NDST3: variants seen among roughly 807,000 people sequenced by gnomAD.
NDST3 encodes bifunctional heparan sulfate N-deacetylase/N-sulfotransferase 3.
A neutral mutation model predicts 96.1 loss-of-function variants in NDST3; 58 were observed. That is an observed-to-expected ratio of 0.60 (90% CI 0.49 to 0.75). The LOEUF is 0.75. Among genes scored for constraint, NDST3 ranks in the 30% least tolerant of loss-of-function variants. NDST3 has a pLI of 0.00. For synonymous variants in NDST3, 333 were observed against 359.7 expected (o/e 0.93, Z 0.84); for missense variants, 788 against 1,034.2 (o/e 0.76, Z 3.27).
rs188784569 is a variant in NDST3 at position 118,144,221 on chromosome 4, C to A, written c.1539+537C>A. Among the ~76,000 whole-genome samples, 551 of 151,874 alleles carry A rather than the reference C, an allele frequency of 3.6e-3. 7 individuals are homozygous for A. Among genetic ancestry groups the A allele is most frequent in the African/African-American group, 0.013 (532 of 41,390 alleles). On this transcript the variant is annotated intron_variant, in intron 6 of 13. Coordinates refer to ENST00000296499, the MANE Select transcript of NDST3 (RefSeq NM_004784.3). ...TTTGAGATGGAGTCTCACTCTGTCA[C>A]CCAGGCTCGAGTGCAGTGGCGCCAT...
At chr4:118,245,799 T>C (rs1741278123) in intron 12 of NDST3, among the ~76,000 whole-genome samples, 2 of 152,052 alleles carry the variant, frequency 1.3e-5, no homozygotes, top group African/African-American at 4.8e-5. Context: ...CTCTCTCTCT[T>C]CATAAAAACA....
At chr4:118,195,039 G>A (rs1044366754) in intron 6 of NDST3, among the ~76,000 whole-genome samples, 37 of 152,176 alleles carry the variant, frequency 2.4e-4, no homozygotes, top group Admixed American at 2.0e-3. Context: ...TTTCTGTGAA[G>A]AATGTCATTG....
chr4:118,251,811 C>A (rs1389109080), intron 12 of NDST3, among the ~76,000 whole-genome samples: 1 of 152,234 alleles, frequency 6.6e-6, no homozygotes, highest in Admixed American at 6.5e-5. Context: ...GAATAATTTT[C>A]TGTTTCTACT....
chr4:118,162,076 A>C (rs1023594932), intron 6 of NDST3, among the ~76,000 whole-genome samples: 1 of 152,194 alleles, frequency 6.6e-6, no homozygotes, highest in African/African-American at 2.4e-5. Flanking sequence ...GAGAACTACA[A>C]ACCACTGCTC....
At chr4:118,240,375 C>T (rs1303055980) in intron 10 of NDST3, 149 bp from the exon 11 acceptor site, 1 of 591,414 alleles carries the variant, frequency 1.7e-6, no homozygotes, top group Non-Finnish European at 2.6e-6. Flanking sequence ...TCCAAGCAAA[C>T]ATTTTCTTCC....
At chr4:118,225,969 G>T (rs1168592087) in intron 7 of NDST3, among the ~76,000 whole-genome samples, 1 of 151,434 alleles carries the variant, frequency 6.6e-6, no homozygotes, top group Non-Finnish European at 1.5e-5. Context: ...ATTATTTCAG[G>T]TGACAAGTTT....
intron 6 of NDST3, among the ~76,000 whole-genome samples, chr4:118,148,065 A>G (rs572793725): frequency 7.2e-5 from 11 of 152,310 alleles, no homozygotes; most frequent in Admixed American, 2.0e-4. Context: ...TTGGGAGGCC[A>G]AGGTGGGCAG....
chr4:118,252,471 T>A (rs1378131110), intron 12 of NDST3, among the ~76,000 whole-genome samples: 1 of 152,222 alleles, frequency 6.6e-6, no homozygotes, highest in African/African-American at 2.4e-5. Context: ...ATGGGAAGAA[T>A]CCTTCACAGC....
At position 118,054,292 on chromosome 4, in the gene NDST3, T is replaced by C. The variant is rs373902559; in HGVS notation, c.382T>C (p.Tyr128His). The change falls in exon 2 of 14, where the codon TAC becomes CAC. Residue 128 changes from tyrosine to histidine, a missense_variant. Around this residue, in one of 3 missense-constraint regions of NDST3, gnomAD observed 234 missense variants for 256.9 expected, o/e 0.91. Transcript: ENST00000296499. ...GCTTATAGACAAAATGAAAGGCAAA[T>C]ACATTCTCATTATTTATGAGAATAT... ...PVLIDKMKGK[Y>H]ILIIYENILK... is the part of the protein sequence containing the mutation. 2 of 1,611,654 alleles carry C rather than the reference T, an allele frequency of 1.2e-6. No individual in the cohort carries two copies. The highest frequency in any genetic ancestry group is 1.7e-6 in the Non-Finnish European group (2 of 1,178,858).
rs1730409714 is a variant in NDST3 at position 118,108,780 on chromosome 4, G to T, written c.1069+3675G>T. Among the ~76,000 whole-genome samples, 3 of 152,050 alleles carry T rather than the reference G, an allele frequency of 2.0e-5. No homozygotes were observed. The South Asian group carries it at 6.2e-4, about 31-fold the overall frequency. On this transcript the variant is annotated intron_variant, in intron 3 of 13. Coordinates refer to ENST00000296499, the MANE Select transcript of NDST3 (RefSeq NM_004784.3). ...TTTCACCTACCAATTTGAAAATTGTGTAGGATTTAAGAATAACTTTAACAT... is the reference window on the plus strand; with the variant it reads ...TTTCACCTACCAATTTGAAAATTGTTTAGGATTTAAGAATAACTTTAACAT...
At chr4:118,085,906 A>G (rs1230643866) in intron 2 of NDST3, among the ~76,000 whole-genome samples, 4 of 152,150 alleles carry the variant, frequency 2.6e-5, no homozygotes, top group Non-Finnish European at 5.9e-5. Flanking sequence ...ATTTACTGAG[A>G]ACATCAGCCA....
In NDST3 at chr4:118,207,146, TACACACACACACACACACACACACAC is replaced by T. The variant is rs67300451; in HGVS notation, c.1540-17325_1540-17300del. The stretch of plus-strand genomic sequence containing the variant: ...AAAATAAAAGAAAATTCTGGAAGAA[TACACACACACACACACACACACACAC>T]ACACACACACACACACACAAATTAT... On this transcript the variant is annotated intron_variant, in intron 6 of 13. Coordinates refer to ENST00000296499, the MANE Select transcript of NDST3 (RefSeq NM_004784.3). 4.7e-5 allele frequency among the ~76,000 whole-genome samples: 6 copies of T among 128,784 alleles called. 1 individual carries two copies. Among genetic ancestry groups the T allele is most frequent in the Non-Finnish European group, 9.9e-5 (6 of 60,482 alleles). 84.5% of individuals were successfully genotyped at this position (128,784 alleles called of 152,430 possible). A position where few individuals can be genotyped will look rare whatever the true frequency, so the allele number is the denominator to read the frequency against.
chr4:118,209,784 A>G (rs867313741), intron 6 of NDST3, among the ~76,000 whole-genome samples: 18 of 152,312 alleles, frequency 1.2e-4, no homozygotes, highest in African/African-American at 3.6e-4. Context: ...ATCAGATCCC[A>G]AATTCTAAAT....
chr4:118,242,445 C>T lies in NDST3; in HGVS notation c.2399+296C>T, dbSNP rs751269412. Among the ~76,000 whole-genome samples the T allele has an allele frequency of 8.5e-5, 13 of 152,240 alleles. 1 individual carries two copies. The Middle Eastern group carries it at 0.017, about 199-fold the overall frequency. On this transcript the variant is annotated intron_variant, in intron 12 of 13. Transcript: ENST00000296499. ...TAAAAGAAGTTATCTGAAATAAATT[C>T]GTAAAGCCTGAGCCTATTTAACAGG...
intron 6 of NDST3, among the ~76,000 whole-genome samples, chr4:118,155,110 A>G (rs560832435): frequency 1.4e-4 from 21 of 152,332 alleles, no homozygotes; most frequent in Admixed American, 3.3e-4. Context: ...AGACTTTTAA[A>G]TTTATAAAGC....
intron 2 of NDST3, among the ~76,000 whole-genome samples, chr4:118,085,119 T>TAAA (rs1488972053): frequency 1.4e-5 from 1 of 73,640 alleles, no homozygotes; most frequent in African/African-American, 3.1e-5. Flanking sequence ...CGAGACTCCG[T>TAAA]AAAAACAACA....
At chr4:118,071,331 G>C (rs1209064728) in intron 2 of NDST3, among the ~76,000 whole-genome samples, 2 of 151,952 alleles carry the variant, frequency 1.3e-5, no homozygotes, top group African/African-American at 4.8e-5. Context: ...ATGTCACAGG[G>C]GTTTGGTGTA....
rs1338948934 is a variant in NDST3 at position 118,242,250 on chromosome 4, T to C, written c.2399+101T>C. ...CAACTGTCAGGTTACTTGTTCCTTATATACTGGTTATTTTTCAATTTGACA... is the reference window on the plus strand; with the variant it reads ...CAACTGTCAGGTTACTTGTTCCTTACATACTGGTTATTTTTCAATTTGACA... On this transcript the variant is annotated intron_variant, in intron 12 of 13. Transcript: ENST00000296499. 7 of 673,966 alleles carry C rather than the reference T, an allele frequency of 1.0e-5. No homozygotes were observed. The East Asian group carries it at 1.8e-4, about 18-fold the overall frequency. 41.7% of individuals were successfully genotyped at this position (673,966 alleles called of 1,614,324 possible).
At chr4:118,133,438 G>T (rs1034170698) in intron 4 of NDST3, among the ~76,000 whole-genome samples, 2 of 152,188 alleles carry the variant, frequency 1.3e-5, no homozygotes, top group Non-Finnish European at 2.9e-5. Context: ...CCACTGCCGG[G>T]AGATAGGGGA....
Sources: gnomAD v4.1 joint callset for allele counts (sites outside exome capture counted in the v4.1 genomes callset) on GRCh38, gnomAD v4.1.1 for gene constraint, gnomAD v4.1.1 regional missense constraint, MANE v1.5 for transcripts, NCBI Gene and HGNC (gene_info 2026-07-23, HGNC 2026-07-21) for gene names.